NCAM2: variants seen among roughly 807,000 people sequenced by gnomAD.
NCAM2 encodes N-CAM-2.
NCAM2 carries 30 observed loss-of-function variants against 98.1 expected under a neutral mutation model. The ratio of observed to expected loss-of-function variants is 0.31; its 90% CI spans 0.23 to 0.41. The LOEUF (loss-of-function observed/expected upper bound fraction) is 0.41, where lower values mean the gene tolerates loss of function less well. Among genes scored for constraint, NCAM2 ranks in the 10% least tolerant of loss-of-function variants. NCAM2 has a pLI of 1.00. For synonymous variants in NCAM2, 368 were observed against 342.4 expected, an observed-to-expected ratio of 1.07 and a Z score of -0.83; for missense variants, 867 against 1,005.8, an observed-to-expected ratio of 0.86 and a Z score of 1.87.
chr21:21,262,719 G>A (rs1259967393), intron 1 of NCAM2, among the ~76,000 whole-genome samples: 2 of 144,528 alleles, frequency 1.4e-5, no homozygotes, highest in Admixed American at 1.4e-4. Flanking sequence ...AGATGTATTA[G>A]TCCATTTTCA....
chr21:21,110,465 CAAAG>C (rs1487783312), intron 1 of NCAM2, among the ~76,000 whole-genome samples: 2 of 151,552 alleles, frequency 1.3e-5, no homozygotes, highest in Admixed American at 1.3e-4. Context: ...TAGGTAAGGA[CAAAG>C]AAAGAAAATA....
At chr21:21,492,135 A>T (rs1434354916) in intron 15 of NCAM2, among the ~76,000 whole-genome samples, 2 of 151,792 alleles carry the variant, frequency 1.3e-5, no homozygotes, top group South Asian at 2.1e-4. Context: ...AAACTCTATT[A>T]TTTTATTATA....
chr21:21,513,214 T>C (rs1484759241), intron 16 of NCAM2, among the ~76,000 whole-genome samples: 1 of 152,082 alleles, frequency 6.6e-6, no homozygotes, highest in Non-Finnish European at 1.5e-5. Context: ...ACTAGCTTTA[T>C]TATTTATTTT....
At chr21:21,061,254 T>C (rs1201183763) in intron 1 of NCAM2, among the ~76,000 whole-genome samples, 1 of 152,182 alleles carries the variant, frequency 6.6e-6, no homozygotes, top group Admixed American at 6.5e-5. Context: ...CAAAGTGTTC[T>C]TGAATATAGT....
intron 4 of NCAM2, among the ~76,000 whole-genome samples, chr21:21,291,715 T>C (rs2073303076): frequency 1.3e-5 from 2 of 151,876 alleles, no homozygotes; most frequent in African/African-American, 4.8e-5. Context: ...ATAAATTTTC[T>C]AGCCCTTTTC....
intron 1 of NCAM2, among the ~76,000 whole-genome samples, chr21:21,113,133 T>C (rs558580981): frequency 4.7e-4 from 71 of 152,306 alleles, no homozygotes; most frequent in African/African-American, 1.5e-3. Flanking sequence ...CTTTCGGGGT[T>C]CTGTGAGGTT....
At chr21:21,080,656 C>CAAAAAAAA (rs1340023403) in intron 1 of NCAM2, among the ~76,000 whole-genome samples, 1 of 53,270 alleles carries the variant, frequency 1.9e-5, no homozygotes, top group Non-Finnish European at 3.3e-5. Context: ...GATAAGATCT[C>CAAAAAAAA]AAAAAAAAAA....
intron 1 of NCAM2, among the ~76,000 whole-genome samples, chr21:21,203,399 G>A (rs1055173856): frequency 6.6e-6 from 1 of 152,180 alleles, no homozygotes; most frequent in Admixed American, 6.5e-5. Context: ...TTGAAAGCCT[G>A]TAAGTGTAAA....
At chr21:21,137,044 C>A (rs11910420) in intron 1 of NCAM2, among the ~76,000 whole-genome samples, 1 of 151,996 alleles carries the variant, frequency 6.6e-6, no homozygotes, top group Non-Finnish European at 1.5e-5. Context: ...GCAGGTTTCA[C>A]CATGTTGGCC....
intron 2 of NCAM2, among the ~76,000 whole-genome samples, chr21:21,282,744 A>T (rs1261414468): frequency 1.3e-5 from 2 of 151,860 alleles, no homozygotes; most frequent in African/African-American, 2.4e-5. Context: ...AAGAAAATAA[A>T]GTTTAATGCT....
At chr21:21,185,246 C>T (rs1455605961) in intron 1 of NCAM2, among the ~76,000 whole-genome samples, 4 of 152,118 alleles carry the variant, frequency 2.6e-5, no homozygotes, top group East Asian at 1.9e-4. Flanking sequence ...CTAAAAATCA[C>T]GTTCATCCAT....
At chr21:21,270,617 T>TA (rs1038544397) in intron 1 of NCAM2, among the ~76,000 whole-genome samples, 2 of 152,226 alleles carry the variant, frequency 1.3e-5, no homozygotes, top group Middle Eastern at 3.2e-3. Context: ...GTATTGCAGC[T>TA]ATTTAATTCA....
At chr21:21,312,562 C>T (rs1464853400) in intron 5 of NCAM2, among the ~76,000 whole-genome samples, 2 of 76,834 alleles carry the variant, frequency 2.6e-5, no homozygotes, top group African/African-American at 4.7e-5. Context: ...GCCTTATATT[C>T]ACAGGAAAAA....
intron 1 of NCAM2, among the ~76,000 whole-genome samples, chr21:21,164,257 A>G (rs1275798776): frequency 6.6e-6 from 1 of 152,192 alleles, no homozygotes; most frequent in Non-Finnish European, 1.5e-5. Flanking sequence ...CTGTATTTTT[A>G]TTTGACATTG....
intron 15 of NCAM2, among the ~76,000 whole-genome samples, chr21:21,501,617 C>CTTTT (rs5842933): frequency 6.9e-6 from 1 of 143,992 alleles, no homozygotes; most frequent in Non-Finnish European, 1.5e-5. Flanking sequence ...ATTAATGTTC[C>CTTTT]TTTTTTTTTT....
chr21:21,042,142 A>G (rs764827817), intron 1 of NCAM2, among the ~76,000 whole-genome samples: 3 of 152,204 alleles, frequency 2.0e-5, no homozygotes, highest in Non-Finnish European at 2.9e-5. Flanking sequence ...CTCTACATCA[A>G]TAGACTGCTC....
At chr21:21,379,972 G>C (rs1464778245) in intron 9 of NCAM2, among the ~76,000 whole-genome samples, 1 of 152,106 alleles carries the variant, frequency 6.6e-6, no homozygotes, top group Non-Finnish European at 1.5e-5. Context: ...CAGCATGGAA[G>C]AAAGATGTAG....
intron 1 of NCAM2, among the ~76,000 whole-genome samples, chr21:21,192,874 G>A (rs1240591758): frequency 6.6e-6 from 1 of 152,130 alleles, no homozygotes; most frequent in Non-Finnish European, 1.5e-5. Context: ...TCCTGGACCA[G>A]AACACCAGGT....
At chr21:21,421,780 A>G (rs186237853) in intron 11 of NCAM2, among the ~76,000 whole-genome samples, 143 of 152,304 alleles carry the variant, frequency 9.4e-4, no homozygotes, top group Admixed American at 1.8e-3. Context: ...GGCATATGGT[A>G]TTTTACAGTG....
Sources: gnomAD v4.1 joint callset for allele counts (sites outside exome capture counted in the v4.1 genomes callset) on GRCh38, gnomAD v4.1.1 for gene constraint, MANE v1.5 for transcripts, NCBI Gene and HGNC (gene_info 2026-07-23, HGNC 2026-07-21) for gene names.